Variants in MGAT5 observed in about 807,000 individuals in gnomAD.
The protein encoded by MGAT5 is alpha-1,6-mannosylglycoprotein 6-beta-N-acetylglucosaminyltransferase A.
In MGAT5, 30 loss-of-function variants were observed where a neutral mutation model predicts 94.3. The observed-to-expected ratio is 0.32, with a 90% confidence interval of 0.24 to 0.43. The LOEUF (loss-of-function observed/expected upper bound fraction) is 0.43. Among genes scored for constraint, MGAT5 ranks in the 20% least tolerant of loss-of-function variants. MGAT5 has a pLI of 1.00. For missense variants in MGAT5, 691 were observed against 905.5 expected (o/e 0.76, Z 3.04); for synonymous variants, 310 against 322.9 (o/e 0.96, Z 0.43).
intron 14 of MGAT5, among the ~76,000 whole-genome samples, chr2:134,434,724 C>G (rs1320763075): frequency 6.6e-6 from 1 of 152,170 alleles, no homozygotes; most frequent in African/African-American, 2.4e-5. Flanking sequence ...TGGAAGCCTT[C>G]TCTGACTGCT....
At position 134,362,262 on chromosome 2, in the gene MGAT5, C is replaced by T; in HGVS notation, c.1247-13C>T. The T allele has an allele frequency of 6.2e-7, 1 of 1,611,910 alleles. No homozygotes were observed. The highest frequency in any genetic ancestry group is 8.5e-7 in the Non-Finnish European group (1 of 1,178,932). ...TGGACACTAACTGTCCTCTCCATTT[C>T]TTTGCACACCAGCTCATACCCCAGA... On this transcript the variant is annotated splice_polypyrimidine_tract_variant and intron_variant, in intron 9 of 15. Transcript: ENST00000281923.
intron 9 of MGAT5, among the ~76,000 whole-genome samples, chr2:134,351,816 C>T (rs185314378): frequency 6.6e-6 from 1 of 152,172 alleles, no homozygotes; most frequent in East Asian, 1.9e-4. Context: ...AAATTACTAA[C>T]ATAGACCCTT....
chr2:134,413,621 CAA>C (rs1327205455), intron 12 of MGAT5, among the ~76,000 whole-genome samples: 1 of 152,210 alleles, frequency 6.6e-6, no homozygotes, highest in Non-Finnish European at 1.5e-5. Flanking sequence ...GGGCAATAAA[CAA>C]AAGTCTTTTA....
At chr2:134,225,116 G>A (rs1455205236) in intron 1 of MGAT5, among the ~76,000 whole-genome samples, 5 of 151,342 alleles carry the variant, frequency 3.3e-5, no homozygotes, top group South Asian at 2.1e-4. Context: ...GGTGGAAATC[G>A]GGGGGGAATT....
At chr2:134,142,610 AG>A (rs35566675) in intron 1 of MGAT5, among the ~76,000 whole-genome samples, 1 of 152,228 alleles carries the variant, frequency 6.6e-6, no homozygotes, top group Non-Finnish European at 1.5e-5. Context: ...ACATGACCAA[AG>A]GGCACTGGGG....
chr2:134,251,873 C>T (rs1682626557), upstream of MGAT5, among the ~76,000 whole-genome samples: 2 of 152,092 alleles, frequency 1.3e-5, no homozygotes. Context: ...ACTTTTTACC[C>T]ATTGACCACT....
chr2:134,328,055 G>T (rs572449841), intron 4 of MGAT5, among the ~76,000 whole-genome samples: 91 of 152,178 alleles, frequency 6.0e-4, no homozygotes, highest in South Asian at 1.2e-3. Flanking sequence ...TGTTTGGTTG[G>T]CTACAGAGGA....
At chr2:134,344,436 GGT>G (rs1309659049) in intron 7 of MGAT5, among the ~76,000 whole-genome samples, 2 of 151,238 alleles carry the variant, frequency 1.3e-5, no homozygotes, top group African/African-American at 4.9e-5. Context: ...GGGAGGGGAA[GGT>G]TAGTAAGGGT....
chr2:134,197,852 A>G (rs929975462), intron 1 of MGAT5, among the ~76,000 whole-genome samples: 2 of 152,068 alleles, frequency 1.3e-5, no homozygotes, highest in Non-Finnish European at 2.9e-5. Context: ...AATAAAGGAG[A>G]AAAAAAGGGT....
intron 1 of MGAT5, among the ~76,000 whole-genome samples, chr2:134,192,724 A>T (rs1056105742): frequency 6.6e-6 from 1 of 152,048 alleles, no homozygotes; most frequent in Non-Finnish European, 1.5e-5. Flanking sequence ...AACAAATTAA[A>T]TGCCTAGTAC....
At chr2:134,322,696 A>C (rs562927703) in intron 4 of MGAT5, among the ~76,000 whole-genome samples, 1 of 152,098 alleles carries the variant, frequency 6.6e-6, no homozygotes, top group Non-Finnish European at 1.5e-5. Context: ...CTGTTGGTTC[A>C]CTTGTGTGGT....
chr2:134,311,844 G>A (rs181891914), intron 2 of MGAT5, among the ~76,000 whole-genome samples: 3 of 152,170 alleles, frequency 2.0e-5, no homozygotes, highest in Non-Finnish European at 4.4e-5. Flanking sequence ...CTTTATATAC[G>A]TATAAATATT....
intron 14 of MGAT5, among the ~76,000 whole-genome samples, chr2:134,432,875 G>A (rs920863468): frequency 2.0e-5 from 3 of 152,204 alleles, no homozygotes; most frequent in Non-Finnish European, 2.9e-5. Flanking sequence ...CCTTCGCTAC[G>A]AGTTGCCGCA....
chr2:134,443,566 A>G (rs1032688264), intron 15 of MGAT5, among the ~76,000 whole-genome samples: 4 of 152,148 alleles, frequency 2.6e-5, no homozygotes, highest in Non-Finnish European at 4.4e-5. Flanking sequence ...TCCACCATGA[A>G]AACAAAAGCA....
At chr2:134,346,269 A>T (rs1688921618) in intron 8 of MGAT5, among the ~76,000 whole-genome samples, 1 of 152,218 alleles carries the variant, frequency 6.6e-6, no homozygotes, top group African/African-American at 2.4e-5. Flanking sequence ...GGTACTGTTT[A>T]GGTGAATTAA....
At chr2:134,186,239 TGA>T (rs1181225018) in intron 1 of MGAT5, among the ~76,000 whole-genome samples, 1 of 152,174 alleles carries the variant, frequency 6.6e-6, no homozygotes, top group Non-Finnish European at 1.5e-5. Flanking sequence ...TTTTGTGTAG[TGA>T]GAGTTACTCT....
intron 9 of MGAT5, among the ~76,000 whole-genome samples, chr2:134,356,555 C>T (rs1371822812): frequency 2.0e-5 from 3 of 152,046 alleles, no homozygotes; most frequent in Admixed American, 6.6e-5. Flanking sequence ...TCAGGAGGTA[C>T]GCAAAAATAA....
chr2:134,291,425 AGTC>A (rs1685358045), intron 2 of MGAT5, among the ~76,000 whole-genome samples: 1 of 152,228 alleles, frequency 6.6e-6, no homozygotes, highest in East Asian at 1.9e-4. Flanking sequence ...TTAGAATTTT[AGTC>A]TCCAGAATTA....
intron 1 of MGAT5, among the ~76,000 whole-genome samples, chr2:134,209,152 A>ATTTTTTTTTTTTTTTTTTTTTT (rs869116395): frequency 1.4e-4 from 3 of 20,780 alleles, no homozygotes; most frequent in African/African-American, 6.5e-4. Flanking sequence ...TTTTTTTTTT[A>ATTTTTTTTTTTTTTTTTTTTTT]TTTTTTTTTT....
Sources: gnomAD v4.1 joint callset for allele counts (sites outside exome capture counted in the v4.1 genomes callset) on GRCh38, gnomAD v4.1.1 for gene constraint, MANE v1.5 for transcripts, NCBI Gene and HGNC (gene_info 2026-07-23, HGNC 2026-07-21) for gene names.